The following EXOC4 variants were observed in gnomAD, a reference collection of about 807,000 sequenced individuals.
EXOC4 encodes the protein exocyst complex component 4, also known as SEC8-like 1.
Under a neutral mutation model 107.2 loss-of-function variants are expected in EXOC4, and 71 were observed. The ratio of observed to expected loss-of-function variants is 0.66; its 90% CI spans 0.55 to 0.81. EXOC4 has a LOEUF of 0.81. Among genes scored for constraint, EXOC4 ranks in the 30% least tolerant of loss-of-function variants. The probability of loss-of-function intolerance (pLI) is 0.00; values close to 1 mark genes in which losing one functional copy is unlikely to be tolerated. For missense variants in EXOC4, 1,108 were observed against 1,189.6 expected, an observed-to-expected ratio of 0.93 and a Z score of 1.01; for synonymous variants, 456 against 441.2, an observed-to-expected ratio of 1.03 and a Z score of -0.42.
At chr7:133,869,157 C>G (rs1419662967) in intron 11 of EXOC4, among the ~76,000 whole-genome samples, 1 of 151,956 alleles carries the variant, frequency 6.6e-6, no homozygotes, top group Non-Finnish European at 1.5e-5. Flanking sequence ...CTCATATATA[C>G]CTCCTGTGGG....
chr7:134,071,245 A>T (rs1796269673), downstream of EXOC4, among the ~76,000 whole-genome samples: 1 of 152,228 alleles, frequency 6.6e-6, no homozygotes, highest in Non-Finnish European at 1.5e-5. Flanking sequence ...CTGGTAAGTG[A>T]GCCAGCTCTG....
At chr7:133,902,660 A>G (rs570942442) in intron 12 of EXOC4, among the ~76,000 whole-genome samples, 35 of 152,118 alleles carry the variant, frequency 2.3e-4, no homozygotes, top group Admixed American at 1.9e-3. Flanking sequence ...TGAGACCATC[A>G]TGGCCAACAT....
chr7:133,972,726 A>G (rs554608083), intron 14 of EXOC4, among the ~76,000 whole-genome samples: 3 of 152,314 alleles, frequency 2.0e-5, no homozygotes, highest in African/African-American at 7.2e-5. Flanking sequence ...TTTTTTGGTA[A>G]TTTTGTGTGT....
chr7:133,652,786 T>C (rs1803193475), intron 10 of EXOC4, among the ~76,000 whole-genome samples: 1 of 152,190 alleles, frequency 6.6e-6, no homozygotes, highest in Admixed American at 6.5e-5. Context: ...TTCCAAACTC[T>C]CATCATCATC....
At chr7:133,983,190 A>G (rs1240131506) in intron 14 of EXOC4, among the ~76,000 whole-genome samples, 5 of 152,092 alleles carry the variant, frequency 3.3e-5, no homozygotes, top group Non-Finnish European at 7.4e-5. Context: ...CTCACTCACT[A>G]TTGTGAGGAT....
At chr7:133,858,594 C>T (rs1798469262) in intron 11 of EXOC4, among the ~76,000 whole-genome samples, 1 of 152,118 alleles carries the variant, frequency 6.6e-6, no homozygotes, top group Admixed American at 6.6e-5. Context: ...AGGAATTTGC[C>T]TCCTGCTGCT....
intron 15 of EXOC4, among the ~76,000 whole-genome samples, chr7:134,000,455 C>A (rs1334092770): frequency 1.3e-5 from 2 of 152,042 alleles, no homozygotes; most frequent in African/African-American, 2.4e-5. Context: ...AACCTAATAT[C>A]CTGCTGTATA....
At chr7:134,039,491 A>G (rs551358757) in intron 17 of EXOC4, among the ~76,000 whole-genome samples, 15 of 152,184 alleles carry the variant, frequency 9.9e-5, no homozygotes, top group Non-Finnish European at 2.1e-4. Flanking sequence ...TCTGAACAAA[A>G]CATTAGGGAT....
chr7:133,854,930 T>C (rs1425314270), intron 11 of EXOC4, among the ~76,000 whole-genome samples: 2 of 148,716 alleles, frequency 1.3e-5, no homozygotes, highest in Non-Finnish European at 3.0e-5. Context: ...TCTCATATTG[T>C]CTTCATGTCT....
intron 13 of EXOC4, among the ~76,000 whole-genome samples, chr7:133,928,589 C>G (rs1464563008): frequency 6.6e-6 from 1 of 152,174 alleles, no homozygotes; most frequent in East Asian, 1.9e-4. Context: ...CATCTCCTCC[C>G]AGAAACCCTC....
intron 10 of EXOC4, among the ~76,000 whole-genome samples, chr7:133,742,608 A>G (rs547931037): frequency 2.0e-5 from 3 of 152,222 alleles, no homozygotes; most frequent in African/African-American, 7.2e-5. Context: ...CAAGAAAACC[A>G]TAAATTTCTC....
At position 134,018,382 on chromosome 7, in the gene EXOC4, C is replaced by G. The variant is rs915986585; in HGVS notation, c.2687+10547C>G. Among the ~76,000 whole-genome samples the G allele has an allele frequency of 3.3e-5, 5 of 152,206 alleles. No homozygotes were observed. In the East Asian group the frequency reaches 7.7e-4, roughly 23 times the overall value. On this transcript the variant is annotated intron_variant, in intron 17 of 17. Coordinates refer to ENST00000253861, the MANE Select transcript of EXOC4 (RefSeq NM_021807.4). ...CTGTAAACCACATCATGCCAGACTT[C>G]CCATCCTGCCCCTCCCTTTACCTGC... is the stretch of plus-strand genomic sequence containing the variant.
intron 9 of EXOC4, among the ~76,000 whole-genome samples, chr7:133,621,075 T>G (rs1202603033): frequency 6.6e-6 from 1 of 152,218 alleles, no homozygotes; most frequent in Non-Finnish European, 1.5e-5. Context: ...CATTGGGCAC[T>G]GCTGCTAATG....
At chr7:133,931,411 C>T (rs1430857346) in intron 13 of EXOC4, among the ~76,000 whole-genome samples, 1 of 152,040 alleles carries the variant, frequency 6.6e-6, no homozygotes, top group Admixed American at 6.6e-5. Context: ...ATATGGAGTA[C>T]AAAGACTTAA....
chr7:133,940,462 G>A (rs1366039341), intron 14 of EXOC4, among the ~76,000 whole-genome samples: 1 of 152,162 alleles, frequency 6.6e-6, no homozygotes, highest in Non-Finnish European at 1.5e-5. Context: ...TACCCTCTCA[G>A]TTCCTTGCAG....
chr7:133,362,328 T>C (rs1796154185), intron 6 of EXOC4, among the ~76,000 whole-genome samples: 1 of 152,190 alleles, frequency 6.6e-6, no homozygotes, highest in Admixed American at 6.5e-5. Context: ...TACTATACTG[T>C]ATTGTAAGGG....
At chr7:133,798,407 A>G (rs371047133) in intron 10 of EXOC4, among the ~76,000 whole-genome samples, 3 of 48,958 alleles carry the variant, frequency 6.1e-5, no homozygotes, top group East Asian at 2.4e-3. Context: ...ACAAACCTTT[A>G]TCAGTAATTT....
chr7:133,488,281 A>G (rs1799307512), intron 9 of EXOC4, among the ~76,000 whole-genome samples: 1 of 152,212 alleles, frequency 6.6e-6, no homozygotes, highest in African/African-American at 2.4e-5. Flanking sequence ...TTTAGAACTC[A>G]TAGTCTAGTG....
At chr7:134,015,601 G>A (rs1794886668) in intron 17 of EXOC4, among the ~76,000 whole-genome samples, 1 of 152,168 alleles carries the variant, frequency 6.6e-6, no homozygotes, top group South Asian at 2.1e-4. Context: ...AGGGGGCTAG[G>A]CACGGTGGCT....
Sources: gnomAD v4.1 joint callset for allele counts (sites outside exome capture counted in the v4.1 genomes callset) on GRCh38, gnomAD v4.1.1 for gene constraint, MANE v1.5 for transcripts, NCBI Gene and HGNC (gene_info 2026-07-23, HGNC 2026-07-21) for gene names.